DCLRE1C: variants seen among roughly 807,000 people sequenced by gnomAD.
DCLRE1C encodes protein artemis.
Under a neutral mutation model 61.4 loss-of-function variants are expected in DCLRE1C, and 47 were observed. The ratio of observed to expected loss-of-function variants is 0.77; its 90% CI spans 0.61 to 0.98. The LOEUF is 0.98. Among genes scored for constraint, DCLRE1C ranks in the 50% least tolerant of loss-of-function variants. The pLI is 0.00. For missense variants in DCLRE1C, 858 were observed against 816.0 expected (o/e 1.05, Z -0.63); for synonymous variants, 337 against 287.6 (o/e 1.17, Z -1.74).
In DCLRE1C at chr10:14,926,853, G is replaced by A; in HGVS notation, c.962C>T (p.Ser321Phe). ...SYRACFSFHS[S>F]YSEIKDFLSY... is the part of the protein sequence containing the mutation. ...ATGGGATCCTCTTACCTCACTGTAGGAGGAGTGAAAAGAAAAACAAGCTCT... is the reference window on the plus strand; with the variant it reads ...ATGGGATCCTCTTACCTCACTGTAGAAGGAGTGAAAAGAAAAACAAGCTCT... The change falls in exon 11 of 14, where the codon TCC (serine) becomes TTC (phenylalanine). Residue 321 changes from serine to phenylalanine, a missense_variant. By Grantham distance (155) the Ser-to-Phe change is radical. This residue lies in a region of DCLRE1C where 843 missense variants were observed against 783.5 expected (regional missense o/e 1.08). Transcript: ENST00000378278. 1 of 1,613,160 alleles carries A rather than the reference G, an allele frequency of 6.2e-7. No homozygotes were observed. Among genetic ancestry groups the A allele is most frequent in the Non-Finnish European group, 8.5e-7 (1 of 1,179,230 alleles).
intron 1 of DCLRE1C, among the ~76,000 whole-genome samples, chr10:14,953,664 T>TG (rs1330529181): frequency 6.6e-6 from 1 of 152,206 alleles, no homozygotes; most frequent in Non-Finnish European, 1.5e-5. Context: ...CTACTAGCAG[T>TG]GCTTGACCAA....
At chr10:14,921,033 C>T (rs1369234176) in intron 12 of DCLRE1C, among the ~76,000 whole-genome samples, 3 of 147,498 alleles carry the variant, frequency 2.0e-5, no homozygotes, top group East Asian at 4.2e-4. Context: ...TTAACAAGCA[C>T]CTCGGCTGGG....
intron 13 of DCLRE1C, among the ~76,000 whole-genome samples, chr10:14,916,382 A>G (rs557622175): frequency 1.3e-5 from 2 of 152,382 alleles, no homozygotes; most frequent in East Asian, 3.9e-4. Flanking sequence ...GAGATTAGCA[A>G]GGTTGCAGGA....
chr10:14,945,109 C>A lies in DCLRE1C; in HGVS notation c.242G>T (p.Arg81Leu). The A allele has an allele frequency of 1.2e-6, 2 of 1,610,154 alleles. No individual in the cohort carries two copies. Among genetic ancestry groups the A allele is most frequent in the South Asian group, 2.2e-5 (2 of 90,318 alleles). ...TATTAAAAAAATAAAACTTACAATT[C>A]GTTTCTTCCAAAATCTGTATTTCGG... Reference protein sequence around the residue: ...TSPKYRFWKKRIISIEIETPT... With the variant: ...TSPKYRFWKKLIISIEIETPT... Residue 81 changes from arginine to leucine, a missense_variant, in exon 3 of 14, where the codon CGA becomes CTA. This residue lies in a region of DCLRE1C where 843 missense variants were observed against 783.5 expected (regional missense o/e 1.08). Transcript: ENST00000378278.
chr10:14,953,063 G>C (rs1411718702), intron 1 of DCLRE1C, among the ~76,000 whole-genome samples: 1 of 152,228 alleles, frequency 6.6e-6, no homozygotes, highest in African/African-American at 2.4e-5. Flanking sequence ...ACGCTGCAAG[G>C]CCACACAGCA....
At chr10:14,931,781 G>A (rs1304529764) in intron 9 of DCLRE1C, among the ~76,000 whole-genome samples, 1 of 152,218 alleles carries the variant, frequency 6.6e-6, no homozygotes, top group Non-Finnish European at 1.5e-5. Flanking sequence ...GCTCATGCCT[G>A]TAATCCCAAC....
At chr10:14,938,319 A>G (rs888903690) in intron 4 of DCLRE1C, among the ~76,000 whole-genome samples, 1 of 151,864 alleles carries the variant, frequency 6.6e-6, no homozygotes, top group African/African-American at 2.4e-5. Flanking sequence ...GGCAGAGTCC[A>G]GGATGGCATT....
At chr10:14,942,895 C>T (rs1265120064) in intron 3 of DCLRE1C, among the ~76,000 whole-genome samples, 2 of 152,032 alleles carry the variant, frequency 1.3e-5, no homozygotes, top group Non-Finnish European at 2.9e-5. Flanking sequence ...GTGGCCGAGG[C>T]GGGAGGATCA....
chr10:14,921,106 G>A (rs1837035261), intron 12 of DCLRE1C, among the ~76,000 whole-genome samples: 1 of 152,056 alleles, frequency 6.6e-6, no homozygotes, highest in South Asian at 2.1e-4. Context: ...ATCACGAGAG[G>A]TCAAGAGATC....
Position 14,904,637 on chromosome 10 carries a change from A to T in DCLRE1C, c.*3771T>A, listed in dbSNP as rs1371656540. 6.6e-6 allele frequency among the ~76,000 whole-genome samples: 1 copy of T among 152,224 alleles called. No individual in the cohort carries two copies. The highest frequency in any genetic ancestry group is 1.9e-4 in the East Asian group (1 of 5,202). On this transcript the variant is annotated 3_prime_UTR_variant, in exon 14 of 14. Transcript: ENST00000378278. Reference sequence around the variant, plus strand: ...GTAGTTTTGTTTTGTCTTTATTGATAGAATGTAATGGGCCTTTGGGATCTT... The same window carrying T: ...GTAGTTTTGTTTTGTCTTTATTGATTGAATGTAATGGGCCTTTGGGATCTT...
chr10:14,924,712 G>A (rs1171116036), intron 11 of DCLRE1C, among the ~76,000 whole-genome samples: 1 of 151,902 alleles, frequency 6.6e-6, no homozygotes, highest in Non-Finnish European at 1.5e-5. Flanking sequence ...GCTGGGTGTG[G>A]TCGTGGGCGC....
chr10:14,926,822 G>C (rs751834421), intron 11 of DCLRE1C, 21 bp downstream of exon 11: 2 of 1,601,794 alleles, frequency 1.2e-6, no homozygotes, highest in Non-Finnish European at 1.7e-6. Flanking sequence ...TAAGGGTTAT[G>C]AGTATATGGG....
At chr10:14,928,285 A>G (rs1165535961) in intron 9 of DCLRE1C, 133 bp from the exon 10 acceptor site, 17 of 772,572 alleles carry the variant, frequency 2.2e-5, no homozygotes, top group Non-Finnish European at 3.5e-5. Flanking sequence ...GCAGCAAAAC[A>G]ATGTAGACAT....
chr10:14,910,303 G>T (rs41300664), intron 13 of DCLRE1C, among the ~76,000 whole-genome samples: 2 of 152,144 alleles, frequency 1.3e-5, no homozygotes. Context: ...GATATCTAAC[G>T]ACTGTATTTG....
chr10:14,927,128 T>A (rs1838140227), intron 10 of DCLRE1C, among the ~76,000 whole-genome samples: 1 of 152,080 alleles, frequency 6.6e-6, no homozygotes, highest in Admixed American at 6.6e-5. Context: ...ACGCCTATAA[T>A]CCCAGCACTA....
chr10:14,940,410 T>C lies in DCLRE1C; in HGVS notation c.247-541A>G, dbSNP rs1176249371. Among the ~76,000 whole-genome samples the C allele has an allele frequency of 2.0e-5, 3 of 151,462 alleles. No individual in the cohort carries two copies. The East Asian group carries it at 5.8e-4, about 29-fold the overall frequency. On this transcript the variant is annotated intron_variant, in intron 3 of 13. Coordinates refer to ENST00000378278, the MANE Select transcript of DCLRE1C (RefSeq NM_001033855.3). Reference sequence around the variant, plus strand: ...TTCACGCGATTCTCCTGCCTCAGCCTCCCAAGTAGCTGGGATGACAGGCGC... The same window carrying C: ...TTCACGCGATTCTCCTGCCTCAGCCCCCCAAGTAGCTGGGATGACAGGCGC...
Position 14,949,023 on chromosome 10 carries a change from C to G in DCLRE1C, c.161+13G>C. The G allele has an allele frequency of 1.3e-6, 2 of 1,594,276 alleles. No homozygotes were observed. Among genetic ancestry groups the G allele is most frequent in the Non-Finnish European group, 1.7e-6 (2 of 1,162,654 alleles). ...AATGTTTGCTTAAAAACACAAGTAG[C>G]AAAATAAATTACCTGCACTCCAACC... On this transcript the variant is annotated intron_variant, in intron 2 of 13. Transcript: ENST00000378278.
chr10:14,922,972 A>T lies in DCLRE1C; in HGVS notation c.1061+9T>A. ...GGGACACCAAGTCCCACAACCAGTG[A>T]CTACTCACATTTCGACAACTTTATC... On this transcript the variant is annotated intron_variant, in intron 12 of 13. Transcript: ENST00000378278. The T allele has an allele frequency of 6.2e-7, 1 of 1,607,700 alleles. No individual in the cohort carries two copies. The highest frequency in any genetic ancestry group is 1.1e-5 in the South Asian group (1 of 90,942).
At chr10:14,912,288 T>G (rs1267437475) in intron 13 of DCLRE1C, among the ~76,000 whole-genome samples, 3 of 152,180 alleles carry the variant, frequency 2.0e-5, no homozygotes, top group Admixed American at 6.5e-5. Flanking sequence ...ACTCCTGATC[T>G]CAGGTGATCC....
Sources: allele counts gnomAD v4.1 joint callset (sites outside exome capture counted in the v4.1 genomes callset), GRCh38; gene constraint gnomAD v4.1.1; regional missense constraint gnomAD v4.1.1; transcripts MANE v1.5; gene names NCBI Gene and HGNC (gene_info 2026-07-23, HGNC 2026-07-21).